ADCY2: variants seen among roughly 807,000 people sequenced by gnomAD.
The protein encoded by ADCY2 is adenylate cyclase 2.
ADCY2 carries 31 observed loss-of-function variants against 125.2 expected under a neutral mutation model. The ratio of observed to expected loss-of-function variants is 0.25; its 90% CI spans 0.19 to 0.33. ADCY2 has a LOEUF of 0.33. ADCY2 is among the 10% of genes least tolerant of loss of function. The pLI is 1.00. For missense variants in ADCY2, 904 were observed against 1,418.2 expected, an observed-to-expected ratio of 0.64 and a Z score of 5.82; for synonymous variants, 512 against 548.4, an observed-to-expected ratio of 0.93 and a Z score of 0.93.
At chr5:7,824,841 G>GCA (rs1745414882) in intron 24 of ADCY2, among the ~76,000 whole-genome samples, 1 of 152,182 alleles carries the variant, frequency 6.6e-6, no homozygotes, top group Admixed American at 6.5e-5. Context: ...GCTCTCATGA[G>GCA]CACAGCCCCT....
chr5:7,816,871 C>G lies in ADCY2; in HGVS notation c.2889C>G (p.Pro963=). 1 of 1,613,966 alleles carries G rather than the reference C, an allele frequency of 6.2e-7. No individual in the cohort carries two copies. Among genetic ancestry groups the G allele is most frequent in the Non-Finnish European group, 8.5e-7 (1 of 1,179,878 alleles). ...AVPSQEHSQE[P]ERQYMHIGTM... is the part of the protein sequence containing the mutation. ...CTGTGTGTGTTTGTTCTCAGGAGCC[C>G]GAGCGGCAGTACATGCACATTGGCA... The change falls in exon 23 of 25, where the codon CCC becomes CCG. Residue 963 remains proline (P), a synonymous_variant. Transcript: ENST00000338316.
At chr5:7,556,939 G>C (rs996662614) in intron 3 of ADCY2, among the ~76,000 whole-genome samples, 2 of 151,976 alleles carry the variant, frequency 1.3e-5, no homozygotes, top group Non-Finnish European at 2.9e-5. Flanking sequence ...AAAAGAGTGG[G>C]TTCTGCTGCA....
intron 2 of ADCY2, among the ~76,000 whole-genome samples, chr5:7,439,824 G>A (rs890335346): frequency 2.0e-5 from 3 of 152,136 alleles, no homozygotes; most frequent in African/African-American, 7.2e-5. Flanking sequence ...GAGCTAAGCT[G>A]GCTGCAAGTT....
At chr5:7,496,491 A>G (rs1297648781) in intron 2 of ADCY2, among the ~76,000 whole-genome samples, 1 of 152,226 alleles carries the variant, frequency 6.6e-6, no homozygotes, top group Non-Finnish European at 1.5e-5. Flanking sequence ...TGACCTTGAT[A>G]TATAATAGCT....
At chr5:7,649,118 A>ATGCCATTT (rs1290982949) in intron 4 of ADCY2, among the ~76,000 whole-genome samples, 2 of 152,256 alleles carry the variant, frequency 1.3e-5, no homozygotes, top group Non-Finnish European at 2.9e-5. Context: ...AGCATAAGTA[A>ATGCCATTT]TGCCATTTTC....
intron 2 of ADCY2, among the ~76,000 whole-genome samples, chr5:7,429,511 T>C (rs1049844119): frequency 6.6e-6 from 1 of 152,234 alleles, no homozygotes; most frequent in Non-Finnish European, 1.5e-5. Context: ...GACCATATTC[T>C]GGGCAACAAA....
At chr5:7,821,287 A>T (rs1359136968) in intron 24 of ADCY2, among the ~76,000 whole-genome samples, 1 of 152,252 alleles carries the variant, frequency 6.6e-6, no homozygotes, top group Non-Finnish European at 1.5e-5. Context: ...TGGTTAAAGT[A>T]ACTATATTAC....
At chr5:7,452,065 C>T (rs1741492631) in intron 2 of ADCY2, among the ~76,000 whole-genome samples, 1 of 152,152 alleles carries the variant, frequency 6.6e-6, no homozygotes, top group Admixed American at 6.5e-5. Flanking sequence ...TGAGCACCAC[C>T]ACATTTGGCT....
At chr5:7,644,841 C>G (rs1738841384) in intron 4 of ADCY2, among the ~76,000 whole-genome samples, 1 of 152,152 alleles carries the variant, frequency 6.6e-6, no homozygotes, top group African/African-American at 2.4e-5. Context: ...TTTTCATACA[C>G]TCCGCCCCAC....
intron 3 of ADCY2, among the ~76,000 whole-genome samples, chr5:7,621,394 C>T (rs1737948720): frequency 6.6e-6 from 1 of 152,242 alleles, no homozygotes; most frequent in South Asian, 2.1e-4. Context: ...TAAAAAATAA[C>T]ATGTGTCTCT....
intron 3 of ADCY2, among the ~76,000 whole-genome samples, chr5:7,603,891 G>T: frequency 1.2e-5 from 1 of 85,254 alleles, no homozygotes; most frequent in Admixed American, 1.6e-4. Flanking sequence ...ATGTATACAT[G>T]TGCCATGCTG....
At chr5:7,777,141 C>T (rs1323950295) in intron 18 of ADCY2, among the ~76,000 whole-genome samples, 1 of 152,116 alleles carries the variant, frequency 6.6e-6, no homozygotes, top group African/African-American at 2.4e-5. Flanking sequence ...TTCTGGCTTT[C>T]ACCCCTCGGT....
At chr5:7,509,626 A>G (rs1006087052) in intron 2 of ADCY2, among the ~76,000 whole-genome samples, 3 of 152,220 alleles carry the variant, frequency 2.0e-5, no homozygotes, top group Non-Finnish European at 2.9e-5. Context: ...AAAGCTACCC[A>G]GTGATTCATG....
At chr5:7,597,060 G>T (rs1737029899) in intron 3 of ADCY2, among the ~76,000 whole-genome samples, 1 of 152,220 alleles carries the variant, frequency 6.6e-6, no homozygotes, top group Admixed American at 6.5e-5. Context: ...GTCTCAGGTT[G>T]CAGGTATCCA....
intron 15 of ADCY2, among the ~76,000 whole-genome samples, chr5:7,748,353 A>G (rs1319646023): frequency 3.3e-5 from 5 of 152,100 alleles, no homozygotes; most frequent in Admixed American, 6.5e-5. Context: ...ATCGGATGCT[A>G]TTTAGCATTT....
At chr5:7,559,414 G>T (rs1266472315) in intron 3 of ADCY2, among the ~76,000 whole-genome samples, 1 of 152,028 alleles carries the variant, frequency 6.6e-6, no homozygotes, top group Non-Finnish European at 1.5e-5. Flanking sequence ...TGTATTCCTA[G>T]GTATTTTATA....
At chr5:7,412,027 A>G (rs1359819605) in intron 1 of ADCY2, among the ~76,000 whole-genome samples, 1 of 151,608 alleles carries the variant, frequency 6.6e-6, no homozygotes, top group Non-Finnish European at 1.5e-5. Context: ...GTGAGCCGAG[A>G]TCCCGCCACA....
chr5:7,443,550 G>A (rs1278236971), intron 2 of ADCY2, among the ~76,000 whole-genome samples: 1 of 145,744 alleles, frequency 6.9e-6, no homozygotes, highest in Non-Finnish European at 1.5e-5. Context: ...TGAGGCAGGA[G>A]AATGGCGTGA....
chr5:7,811,740 T>C (rs1744949991), intron 22 of ADCY2, among the ~76,000 whole-genome samples: 1 of 151,946 alleles, frequency 6.6e-6, no homozygotes, highest in Non-Finnish European at 1.5e-5. Flanking sequence ...GCTCCCTCCT[T>C]CCCCCAAATC....
Sources: gnomAD v4.1 joint callset for allele counts (sites outside exome capture counted in the v4.1 genomes callset) on GRCh38, gnomAD v4.1.1 for gene constraint, MANE v1.5 for transcripts, NCBI Gene and HGNC (gene_info 2026-07-23, HGNC 2026-07-21) for gene names.